Variants in TTC29 observed in about 807,000 individuals in gnomAD.
TTC29 encodes the protein tetratricopeptide repeat protein 29.
In TTC29, 49 loss-of-function variants were observed where a neutral mutation model predicts 58.1. That is an observed-to-expected ratio of 0.84 (90% CI 0.67 to 1.07). The LOEUF (loss-of-function observed/expected upper bound fraction) is 1.07. Among genes scored for constraint, TTC29 ranks in the 50% least tolerant of loss-of-function variants. The pLI is 0.00. For missense variants in TTC29, 582 were observed against 555.6 expected (o/e 1.05, Z -0.48); for synonymous variants, 209 against 196.8 (o/e 1.06, Z -0.52).
intron 11 of TTC29, among the ~76,000 whole-genome samples, chr4:146,799,435 C>T (rs1750054528): frequency 6.6e-6 from 1 of 151,980 alleles, no homozygotes; most frequent in African/African-American, 2.4e-5. Flanking sequence ...GAACAGGTTA[C>T]AAAAACATGA....
At chr4:146,878,912 T>C (rs907891156) in intron 6 of TTC29, among the ~76,000 whole-genome samples, 1 of 152,134 alleles carries the variant, frequency 6.6e-6, no homozygotes, top group Non-Finnish European at 1.5e-5. Context: ...ATTCCATGGG[T>C]ACACTCGACT....
At chr4:146,811,735 T>A (rs1005061464) in intron 10 of TTC29, among the ~76,000 whole-genome samples, 1 of 152,212 alleles carries the variant, frequency 6.6e-6, no homozygotes, top group African/African-American at 2.4e-5. Flanking sequence ...TGTATAATCA[T>A]GAAGCTCCAA....
intron 6 of TTC29, among the ~76,000 whole-genome samples, chr4:146,879,657 A>G (rs932486334): frequency 1.3e-5 from 2 of 152,186 alleles, no homozygotes; most frequent in African/African-American, 2.4e-5. Context: ...TTAACACAGC[A>G]GGATCTAGAA....
chr4:146,889,908 G>A (rs1161259295), intron 6 of TTC29, among the ~76,000 whole-genome samples: 1 of 152,230 alleles, frequency 6.6e-6, no homozygotes, highest in East Asian at 1.9e-4. Context: ...ATTTTAGATA[G>A]TATTCAATTG....
At chr4:146,792,605 T>A (rs1042359815) in intron 11 of TTC29, among the ~76,000 whole-genome samples, 4 of 152,190 alleles carry the variant, frequency 2.6e-5, no homozygotes, top group Non-Finnish European at 5.9e-5. Flanking sequence ...TAATAAAATA[T>A]CCATCTGTTA....
intron 11 of TTC29, among the ~76,000 whole-genome samples, chr4:146,711,539 T>C (rs1742492655): frequency 6.6e-6 from 1 of 152,206 alleles, no homozygotes; most frequent in African/African-American, 2.4e-5. Context: ...CTTATCATAA[T>C]GACTCAAAAG....
At chr4:146,734,417 T>C (rs1256401665) in intron 11 of TTC29, among the ~76,000 whole-genome samples, 1 of 152,112 alleles carries the variant, frequency 6.6e-6, no homozygotes, top group Non-Finnish European at 1.5e-5. Context: ...GTCCTTATAA[T>C]AAAACCGGTA....
intron 6 of TTC29, among the ~76,000 whole-genome samples, chr4:146,884,077 A>G (rs1210024884): frequency 6.6e-6 from 1 of 152,088 alleles, no homozygotes; most frequent in Non-Finnish European, 1.5e-5. Flanking sequence ...ATACTTAAAA[A>G]GGATCTCTTC....
chr4:146,773,925 C>T (rs1747906734), intron 11 of TTC29, among the ~76,000 whole-genome samples: 1 of 151,766 alleles, frequency 6.6e-6, no homozygotes, highest in Admixed American at 6.6e-5. Context: ...TTTAGAACCT[C>T]TGATTTGTTT....
chr4:146,833,796 G>A lies in TTC29; in HGVS notation c.977+10C>T. On this transcript the variant is annotated intron_variant, in intron 9 of 12. Coordinates refer to ENST00000325106, the MANE Select transcript of TTC29 (RefSeq NM_031956.4). ...CACAGTGACAGCAAGATGAGAATGT[G>A]CTAACTTACCTCTGCAGGACCTTGG... 2 of 1,606,786 alleles carry A rather than the reference G, an allele frequency of 1.2e-6. No individual in the cohort carries two copies. Among genetic ancestry groups the A allele is most frequent in the Non-Finnish European group, 1.7e-6 (2 of 1,173,778 alleles).
chr4:146,733,861 AGT>A (rs2150024686), intron 11 of TTC29, among the ~76,000 whole-genome samples: 1 of 152,292 alleles, frequency 6.6e-6, no homozygotes, highest in Non-Finnish European at 1.5e-5. Context: ...TCACTGCATC[AGT>A]GGGGTAATTT....
chr4:146,746,592 T>C (rs1249354875), intron 11 of TTC29, among the ~76,000 whole-genome samples: 1 of 152,192 alleles, frequency 6.6e-6, no homozygotes, highest in East Asian at 1.9e-4. Context: ...AACTTCAGTT[T>C]AGACAAAAAT....
chr4:146,716,080 A>G (rs1323099876), intron 11 of TTC29, among the ~76,000 whole-genome samples: 2 of 152,176 alleles, frequency 1.3e-5, no homozygotes, highest in Admixed American at 6.5e-5. Flanking sequence ...GATTTGAAAA[A>G]TCAACATCTC....
chr4:146,748,367 T>C (rs1269229234), intron 11 of TTC29, among the ~76,000 whole-genome samples: 1 of 152,154 alleles, frequency 6.6e-6, no homozygotes, highest in African/African-American at 2.4e-5. Flanking sequence ...AAGTTCCAGA[T>C]GCTACAGTAG....
intron 3 of TTC29, among the ~76,000 whole-genome samples, chr4:146,939,595 G>A (rs1265027291): frequency 6.6e-6 from 1 of 152,104 alleles, no homozygotes; most frequent in Non-Finnish European, 1.5e-5. Flanking sequence ...GATGAAATAA[G>A]CACTAGGTTA....
chr4:146,814,407 C>A (rs1751241118), intron 10 of TTC29, among the ~76,000 whole-genome samples: 1 of 148,872 alleles, frequency 6.7e-6, no homozygotes, highest in Admixed American at 6.7e-5. Flanking sequence ...CACGACAAAA[C>A]CCTGCTTCTA....
At chr4:146,914,983 T>C (rs533757053) in intron 4 of TTC29, among the ~76,000 whole-genome samples, 1 of 152,284 alleles carries the variant, frequency 6.6e-6, no homozygotes, top group African/African-American at 2.4e-5. Flanking sequence ...TAAACTATTT[T>C]GAATAGCTAC....
intron 6 of TTC29, 135 bp from the exon 7 acceptor site, chr4:146,875,063 T>A: frequency 1.5e-6 from 1 of 682,586 alleles, no homozygotes; most frequent in Non-Finnish European, 2.4e-6. Context: ...AGGCTGAAGA[T>A]GAATTAAACT....
At chr4:146,886,743 T>C (rs1361683372) in intron 6 of TTC29, among the ~76,000 whole-genome samples, 1 of 152,180 alleles carries the variant, frequency 6.6e-6, no homozygotes. Flanking sequence ...AGGTTGACTT[T>C]GTAAGGTCTC....
Sources: allele counts gnomAD v4.1 joint callset (sites outside exome capture counted in the v4.1 genomes callset), GRCh38; gene constraint gnomAD v4.1.1; transcripts MANE v1.5; gene names NCBI Gene and HGNC (gene_info 2026-07-23, HGNC 2026-07-21).